Variants in RTL8A observed in about 807,000 individuals in gnomAD.
The protein encoded by RTL8A is retrotransposon Gag like 8A.
A neutral mutation model predicts 4.4 loss-of-function variants in RTL8A; 4 were observed. That is an observed-to-expected ratio of 0.92 (90% CI 0.45 to 2.10). The LOEUF is 2.10. RTL8A is among the 30% of genes most tolerant of loss of function. RTL8A has a pLI of 0.03. For synonymous variants in RTL8A, 47 were observed against 45.3 expected (o/e 1.04, Z -0.15); for missense variants, 84 against 99.4 (o/e 0.85, Z 0.66).
rs1280970447 is a variant in RTL8A at position 135,051,491 on chromosome X, A to G, written c.*276T>C. ...CCAGCTTGCACCTGAAGTGCAGGAC[A>G]GCGTCCAAATGTGCATGGAGGGGCT... On this transcript the variant is annotated 3_prime_UTR_variant, in exon 1 of 1. Coordinates refer to ENST00000370775, the MANE Select transcript of RTL8A (RefSeq NM_001078172.2). 2.1e-4 allele frequency: 236 copies of G among 1,124,994 alleles called. 1 individual carries two copies. The highest frequency in any genetic ancestry group is 5.6e-5 in the Non-Finnish European group (47 of 846,503). 92.7% of individuals were successfully genotyped at this position (1,124,994 alleles called of 1,213,427 possible).
chrX:135,051,248 G>A lies in RTL8A; in HGVS notation c.*519C>T. 1 of 945,843 alleles carries A rather than the reference G, an allele frequency of 1.1e-6. No individual in the cohort carries two copies. The highest frequency in any genetic ancestry group is 7.6e-5 in the East Asian group (1 of 13,225). The allele number at this position is 945,843 out of a possible 1,213,427, so 77.9% of individuals were successfully genotyped here. On this transcript the variant is annotated 3_prime_UTR_variant, in exon 1 of 1. Coordinates refer to ENST00000370775, the MANE Select transcript of RTL8A (RefSeq NM_001078172.2). ...CAGGCTCCTTGGGGGACGGCCAGCT[G>A]TCTGGATCACTGTCCAGGGGCTGTG...
Position 135,051,469 on chromosome X carries a change from G to C in RTL8A, c.*298C>G. ...CTGTCCAGTATGTAACAGGAGCCCAGCTTGCACCTGAAGTGCAGGACAGCG... is the reference window on the plus strand; with the variant it reads ...CTGTCCAGTATGTAACAGGAGCCCACCTTGCACCTGAAGTGCAGGACAGCG... On this transcript the variant is annotated 3_prime_UTR_variant, in exon 1 of 1. Transcript: ENST00000370775. 9.0e-7 allele frequency: 1 copy of C among 1,116,232 alleles called. No homozygotes were observed. The highest frequency in any genetic ancestry group is 1.2e-6 in the Non-Finnish European group (1 of 839,898). The allele number at this position is 1,116,232 out of a possible 1,213,427, so 92.0% of individuals were successfully genotyped here. A position where few individuals can be genotyped will look rare whatever the true frequency, so the allele number is the denominator to read the frequency against.
rs1190448928 is a variant in RTL8A, at chrX:135,051,380, A to G, written c.*387T>C. ...GTGGTAGCGTAGGTCTGTGGGCAGA[A>G]TGATGTAGTTGGCTGGCAGTCTGGA... On this transcript the variant is annotated 3_prime_UTR_variant, in exon 1 of 1. Coordinates refer to ENST00000370775, the MANE Select transcript of RTL8A (RefSeq NM_001078172.2). 9.8e-7 allele frequency: 1 copy of G among 1,021,782 alleles called. No homozygotes were observed. Among genetic ancestry groups the G allele is most frequent in the African/African-American group, 1.9e-5 (1 of 52,328 alleles). The allele number at this position is 1,021,782 out of a possible 1,213,427, so 84.2% of individuals were successfully genotyped here.
chrX:135,051,857 G>T lies in RTL8A; in HGVS notation c.252C>A (p.Ile84=). ...GPALQWVIPY[I]RKESPLLNDY... is the part of the protein sequence containing the mutation. ...CATTGAGCAGGGGGCTCTCCTTCCT[G>T]ATGTAGGGGATCACCCACTGCAGGG... The change falls in exon 1 of 1, where the codon ATC becomes ATA. Residue 84 remains isoleucine, a synonymous_variant. Coordinates refer to ENST00000370775, the MANE Select transcript of RTL8A (RefSeq NM_001078172.2). 8.3e-7 allele frequency: 1 copy of T among 1,208,384 alleles called. No homozygotes were observed. The highest frequency in any genetic ancestry group is 1.1e-6 in the Non-Finnish European group (1 of 893,313).
rs1176800468 is a variant in RTL8A, at chrX:135,051,779, GTCC to G, written c.327_329del (p.Glu109del). Reference sequence around the variant, plus strand: ...AGGGTCTCCCGGCCTAGAAGTCCTCGTCCTCCTCCCATCCAAAGACCCGCTTCA... The same window carrying G: ...AGGGTCTCCCGGCCTAGAAGTCCTCGTCCTCCCATCCAAAGACCCGCTTCA... On this transcript the variant is annotated inframe_deletion, in exon 1 of 1. Transcript: ENST00000370775. 2 of 1,203,715 alleles carry G rather than the reference GTCC, an allele frequency of 1.7e-6. No individual in the cohort carries two copies. The highest frequency in any genetic ancestry group is 2.2e-6 in the Non-Finnish European group (2 of 891,958).
In RTL8A at chrX:135,051,896, G is replaced by A. The variant is rs755393015; in HGVS notation, c.213C>T (p.Arg71=). 2 of 1,210,635 alleles carry A rather than the reference G, an allele frequency of 1.7e-6. No homozygotes were observed. The highest frequency in any genetic ancestry group is 1.7e-5 in the African/African-American group (1 of 57,544). ...CCCACTGCAGGGCTGGCCCCGTGAGGCGGGTGATGAGGAACGTCACCTTCA... is the reference window on the plus strand; with the variant it reads ...CCCACTGCAGGGCTGGCCCCGTGAGACGGGTGATGAGGAACGTCACCTTCA... ...DALKVTFLIT[R]LTGPALQWVI... is the part of the protein sequence containing the mutation. Residue 71 remains arginine, a synonymous_variant, in exon 1 of 1, where the codon CGC becomes CGT. Transcript: ENST00000370775.
chrX:135,052,001 A>T lies in RTL8A; in HGVS notation c.108T>A (p.Asp36Glu). 4 of 1,212,178 alleles carry T rather than the reference A, an allele frequency of 3.3e-6. No individual in the cohort carries two copies. Among genetic ancestry groups the T allele is most frequent in the Non-Finnish European group, 4.5e-6 (4 of 895,564 alleles). ...PIPFPETFDG[D>E]TDRLPEFIVQ... ...CGATGAACTCCGGGAGTCGGTCGGT[A>T]TCTCCGTCAAACGTCTCGGGAAAGG... Residue 36 changes from aspartate to glutamate, a missense_variant, in exon 1 of 1, where the codon GAT becomes GAA. Physicochemically the swap from Asp to Glu is conservative, Grantham distance 45. Transcript: ENST00000370775.
Position 135,051,160 on chromosome X carries a change from C to A in RTL8A, c.*607G>T. On this transcript the variant is annotated 3_prime_UTR_variant, in exon 1 of 1. Transcript: ENST00000370775. ...GCCAGGCACACTTAAGCCCTGGCAGCTATGTGGCAGGAACACAAGAGGTCT... is the reference window on the plus strand; with the variant it reads ...GCCAGGCACACTTAAGCCCTGGCAGATATGTGGCAGGAACACAAGAGGTCT... The A allele has an allele frequency of 2.4e-6, 1 of 412,733 alleles. No individual in the cohort carries two copies. The allele number at this position is 412,733 out of a possible 1,213,427, so 34.0% of individuals were successfully genotyped here.
In RTL8A at chrX:135,051,653, G is replaced by T. The variant is rs2083338695; in HGVS notation, c.*114C>A. The stretch of plus-strand genomic sequence containing the variant: ...CAGGAGCGCAGGGGACATCGCGGCG[G>T]CTCGAGGGGGAGGGAGGCGCGGAGG... On this transcript the variant is annotated 3_prime_UTR_variant, in exon 1 of 1. Transcript: ENST00000370775. 1 of 1,114,061 alleles carries T rather than the reference G, an allele frequency of 9.0e-7. No individual in the cohort carries two copies. The highest frequency in any genetic ancestry group is 1.2e-6 in the Non-Finnish European group (1 of 849,261). 91.8% of individuals were successfully genotyped at this position (1,114,061 alleles called of 1,213,427 possible). A position where few individuals can be genotyped will look rare whatever the true frequency, so the allele number is the denominator to read the frequency against.
At position 135,051,262 on chromosome X, in the gene RTL8A, C is replaced by T. The variant is rs1352096895; in HGVS notation, c.*505G>A. ...GACGGCCAGCTGTCTGGATCACTGTCCAGGGGCTGTGTCCAGCTCGGATAC... is the reference window on the plus strand; with the variant it reads ...GACGGCCAGCTGTCTGGATCACTGTTCAGGGGCTGTGTCCAGCTCGGATAC... On this transcript the variant is annotated 3_prime_UTR_variant, in exon 1 of 1. Transcript: ENST00000370775. The T allele has an allele frequency of 2.1e-6, 2 of 965,536 alleles. No homozygotes were observed. The highest frequency in any genetic ancestry group is 4.0e-5 in the African/African-American group (2 of 49,846). The allele number at this position is 965,536 out of a possible 1,213,427, so 79.6% of individuals were successfully genotyped here.
chrX:135,051,558 G>A lies in RTL8A; in HGVS notation c.*209C>T, dbSNP rs374581219. ...GCGGAGGCAGCGCGCTCTAGAGTGC[G>A]GCCCAGGAGCTGCAGCAGGAGCCTG... On this transcript the variant is annotated 3_prime_UTR_variant, in exon 1 of 1. Transcript: ENST00000370775. 1 of 1,120,733 alleles carries A rather than the reference G, an allele frequency of 8.9e-7. No individual in the cohort carries two copies. 92.4% of individuals were successfully genotyped at this position (1,120,733 alleles called of 1,213,427 possible).
rs1334524202 is a variant in RTL8A at position 135,051,296 on chromosome X, T to G, written c.*471A>C. 2 of 984,777 alleles carry G rather than the reference T, an allele frequency of 2.0e-6. No homozygotes were observed. The highest frequency in any genetic ancestry group is 2.6e-6 in the Non-Finnish European group (2 of 756,415). The allele number at this position is 984,777 out of a possible 1,213,427, so 81.2% of individuals were successfully genotyped here. Reference sequence around the variant, plus strand: ...GTGTCCAGCTCGGATACCTCCGAGGTGAGTCCACATCACTAGGAGCCACAG... The same window carrying G: ...GTGTCCAGCTCGGATACCTCCGAGGGGAGTCCACATCACTAGGAGCCACAG... On this transcript the variant is annotated 3_prime_UTR_variant, in exon 1 of 1. Transcript: ENST00000370775.
In RTL8A at chrX:135,051,809, C is replaced by G; in HGVS notation, c.300G>C (p.Glu100Asp). 1 of 1,204,750 alleles carries G rather than the reference C, an allele frequency of 8.3e-7. No individual in the cohort carries two copies. The highest frequency in any genetic ancestry group is 1.1e-6 in the Non-Finnish European group (1 of 891,762). The change falls in exon 1 of 1, where the codon GAG (glutamate) becomes GAC (aspartate). Residue 100 changes from glutamate (E) to aspartate (D), a missense_variant. Transcript: ENST00000370775. ...LLNDYRGFLA[E>D]MKRVFGWEED... The stretch of plus-strand genomic sequence containing the variant: ...CCTCCCATCCAAAGACCCGCTTCAT[C>G]TCGGCCAGGAAGCCCCGGTAATCAT...
rs2083338822 is a variant in RTL8A, at chrX:135,051,672, G to A, written c.*95C>T. 4 of 1,125,485 alleles carry A rather than the reference G, an allele frequency of 3.6e-6. No individual in the cohort carries two copies. In the Admixed American group the frequency reaches 9.5e-5, roughly 27 times the overall value. The allele number at this position is 1,125,485 out of a possible 1,213,427, so 92.8% of individuals were successfully genotyped here. A position where few individuals can be genotyped will look rare whatever the true frequency, so the allele number is the denominator to read the frequency against. On this transcript the variant is annotated 3_prime_UTR_variant, in exon 1 of 1. Coordinates refer to ENST00000370775, the MANE Select transcript of RTL8A (RefSeq NM_001078172.2). ...GCGGCGGCTCGAGGGGGAGGGAGGC[G>A]CGGAGGGAGGGCGCCTGTGGAGACC...
rs2083338799 is a variant in RTL8A, at chrX:135,051,670, G to A, written c.*97C>T. The A allele has an allele frequency of 8.9e-7, 1 of 1,123,385 alleles. No individual in the cohort carries two copies. Among genetic ancestry groups the A allele is most frequent in the Admixed American group, 3.2e-5 (1 of 31,059 alleles). The allele number at this position is 1,123,385 out of a possible 1,213,427, so 92.6% of individuals were successfully genotyped here. A position where few individuals can be genotyped will look rare whatever the true frequency, so the allele number is the denominator to read the frequency against. ...TCGCGGCGGCTCGAGGGGGAGGGAG[G>A]CGCGGAGGGAGGGCGCCTGTGGAGA... On this transcript the variant is annotated 3_prime_UTR_variant, in exon 1 of 1. Transcript: ENST00000370775.
Position 135,051,025 on chromosome X carries a change from G to C in RTL8A, c.*742C>G, listed in dbSNP as rs1470162584. 8 of 262,287 alleles carry C rather than the reference G, an allele frequency of 3.1e-5. No individual in the cohort carries two copies. The highest frequency in any genetic ancestry group is 2.3e-4 in the African/African-American group (8 of 34,892). 21.6% of individuals were successfully genotyped at this position (262,287 alleles called of 1,213,427 possible). A position where few individuals can be genotyped will look rare whatever the true frequency, so the allele number is the denominator to read the frequency against. ...AGCAGGGAAGGGAGCAGGGCTTACTGTGTTGAACAAAAGGCACCCATCAGA... is the reference window on the plus strand; with the variant it reads ...AGCAGGGAAGGGAGCAGGGCTTACTCTGTTGAACAAAAGGCACCCATCAGA... On this transcript the variant is annotated 3_prime_UTR_variant, in exon 1 of 1. Transcript: ENST00000370775.
rs771800766 is a variant in RTL8A at position 135,052,078 on chromosome X, G to C, written c.31C>G (p.Leu11Val). The change falls in exon 1 of 1, where the codon CTC becomes GTC. Residue 11 changes from leucine (L) to valine (V), a missense_variant. Coordinates refer to ENST00000370775, the MANE Select transcript of RTL8A (RefSeq NM_001078172.2). The part of the protein sequence containing the change: MDGRVQLMKA[L>V]LAGPLRPAAR... ...GCGGGCCGGAGGGGCCCGGCCAGGA[G>C]GGCCTTCATCAGCTGCACCCGACCG... 4 of 1,209,339 alleles carry C rather than the reference G, an allele frequency of 3.3e-6. No homozygotes were observed. In the East Asian group the frequency reaches 1.2e-4, roughly 36 times the overall value.
In RTL8A at chrX:135,052,071, G is replaced by A. The variant is rs747943747; in HGVS notation, c.38C>T (p.Ala13Val). 2.5e-6 allele frequency: 3 copies of A among 1,209,665 alleles called. No individual in the cohort carries two copies. Among genetic ancestry groups the A allele is most frequent in the Non-Finnish European group, 3.4e-6 (3 of 894,240 alleles). The change falls in exon 1 of 1, where the codon GCC becomes GTC. Residue 13 changes from alanine to valine, a missense_variant. By Grantham distance (64) the Ala-to-Val change is moderately conservative. Transcript: ENST00000370775. ...ACGCGCCGCGGGCCGGAGGGGCCCG[G>A]CCAGGAGGGCCTTCATCAGCTGCAC... ...GRVQLMKALL[A>V]GPLRPAARRW...
At position 135,052,066 on chromosome X, in the gene RTL8A, G is replaced by A; in HGVS notation, c.43C>T (p.Pro15Ser). 2.5e-6 allele frequency: 3 copies of A among 1,210,827 alleles called. No individual in the cohort carries two copies. The highest frequency in any genetic ancestry group is 3.0e-5 in the East Asian group (1 of 33,828). ...CAGCGACGCGCCGCGGGCCGGAGGGGCCCGGCCAGGAGGGCCTTCATCAGC... is the reference window on the plus strand; with the variant it reads ...CAGCGACGCGCCGCGGGCCGGAGGGACCCGGCCAGGAGGGCCTTCATCAGC... ...VQLMKALLAG[P>S]LRPAARRWRN... The change falls in exon 1 of 1, where the codon CCC becomes TCC. Residue 15 changes from proline to serine, a missense_variant. Transcript: ENST00000370775.
Sources: gnomAD v4.1 joint callset for allele counts on GRCh38, gnomAD v4.1.1 for gene constraint, MANE v1.5 for transcripts, NCBI Gene and HGNC (gene_info 2026-07-23, HGNC 2026-07-21) for gene names.